The following CDK8 variants were observed in gnomAD, a reference collection of about 807,000 sequenced individuals.
The protein encoded by CDK8 is cyclin dependent kinase 8.
CDK8 carries 29 observed loss-of-function variants against 71.5 expected under a neutral mutation model. The observed-to-expected ratio is 0.41, with a 90% CI of 0.30 to 0.55. The LOEUF (loss-of-function observed/expected upper bound fraction) is 0.55. Ranked by LOEUF, CDK8 falls within the 20% of genes least tolerant of loss-of-function variation. The pLI, the probability that CDK8 is intolerant of heterozygous loss-of-function variation, is 0.37. For synonymous variants in CDK8, 161 were observed against 192.1 expected, an observed-to-expected ratio of 0.84 and a Z score of 1.34; for missense variants, 288 against 572.6, an observed-to-expected ratio of 0.50 and a Z score of 5.07.
intron 1 of CDK8, among the ~76,000 whole-genome samples, chr13:26,288,344 T>A (rs963419904): frequency 6.6e-6 from 1 of 152,142 alleles, no homozygotes; most frequent in Non-Finnish European, 1.5e-5. Context: ...AGGTTACAGT[T>A]TTTTACATTT....
intron 1 of CDK8, among the ~76,000 whole-genome samples, chr13:26,297,675 A>G (rs1377687731): frequency 6.6e-6 from 1 of 152,170 alleles, no homozygotes; most frequent in Non-Finnish European, 1.5e-5. Flanking sequence ...CCAAAAGGCC[A>G]TGTCTCCAGG....
At position 26,404,821 on chromosome 13, in the gene CDK8, CA is replaced by C; in HGVS notation, c.*743del. The C allele has an allele frequency of 4.6e-6, 1 of 216,808 alleles. No individual in the cohort carries two copies. Among genetic ancestry groups the C allele is most frequent in the East Asian group, 6.9e-5 (1 of 14,442 alleles). 13.4% of individuals were successfully genotyped at this position (216,808 alleles called of 1,614,324 possible). A position where few individuals can be genotyped will look rare whatever the true frequency, so the allele number is the denominator to read the frequency against. ...ATTGATATAAACCTGTTTGGTTCAG[CA>C]AACAAACTAAAATGATTGTCATAGA... On this transcript the variant is annotated 3_prime_UTR_variant, in exon 13 of 13. Transcript: ENST00000381527.
chr13:26,366,244 T>C (rs1358668102), intron 4 of CDK8, among the ~76,000 whole-genome samples: 1 of 151,996 alleles, frequency 6.6e-6, no homozygotes, highest in Non-Finnish European at 1.5e-5. Context: ...TGATAAATGG[T>C]CAAATAACAG....
intron 1 of CDK8, among the ~76,000 whole-genome samples, chr13:26,259,854 C>T (rs372958898): frequency 3.9e-5 from 6 of 152,068 alleles, no homozygotes; most frequent in African/African-American, 9.7e-5. Flanking sequence ...AATGCAAAGA[C>T]GAATGAAGTA....
chr13:26,302,712 TG>T (rs1441199584), intron 1 of CDK8, among the ~76,000 whole-genome samples: 1 of 152,206 alleles, frequency 6.6e-6, no homozygotes, highest in East Asian at 1.9e-4. Flanking sequence ...GAGATATTGA[TG>T]GGGGAGAGTA....
chr13:26,300,433 T>C (rs1021410530), intron 1 of CDK8, among the ~76,000 whole-genome samples: 6 of 152,164 alleles, frequency 3.9e-5, no homozygotes, highest in East Asian at 1.9e-4. Flanking sequence ...TTAAAACTTA[T>C]GAATTGTTTA....
intron 10 of CDK8, among the ~76,000 whole-genome samples, chr13:26,400,930 TA>T (rs1438987765): frequency 2.0e-5 from 3 of 152,102 alleles, no homozygotes; most frequent in Non-Finnish European, 4.4e-5. Flanking sequence ...GTAGGAAGGG[TA>T]AAACAAAAAT....
chr13:26,402,287 T>A (rs1876300461), intron 12 of CDK8, among the ~76,000 whole-genome samples: 1 of 152,216 alleles, frequency 6.6e-6, no homozygotes, highest in Admixed American at 6.5e-5. Context: ...CCACAAAGGC[T>A]GTTATGTTGC....
chr13:26,393,350 T>G lies in CDK8; in HGVS notation c.647-17T>G, dbSNP rs777100485. The G allele has an allele frequency of 2.0e-6, 3 of 1,480,802 alleles. No individual in the cohort carries two copies. The highest frequency in any genetic ancestry group is 2.7e-6 in the Non-Finnish European group (3 of 1,099,932). The allele number at this position is 1,480,802 out of a possible 1,614,324, so 91.7% of individuals were successfully genotyped here. A position where few individuals can be genotyped will look rare whatever the true frequency, so the allele number is the denominator to read the frequency against. On this transcript the variant is annotated splice_polypyrimidine_tract_variant and intron_variant, in intron 6 of 12. Transcript: ENST00000381527. ...TGCCTATTTTTCTTTCTTTTTTTTT[T>G]TCTTTTTGTTTTAAAGATATTTGGG...
At chr13:26,373,380 GA>G (rs1419084341) in intron 4 of CDK8, among the ~76,000 whole-genome samples, 1 of 152,006 alleles carries the variant, frequency 6.6e-6, no homozygotes, top group Non-Finnish European at 1.5e-5. Context: ...TGTGCTGTAT[GA>G]ATGAAGGAAC....
At chr13:26,332,502 T>TAA (rs1555230527) in intron 1 of CDK8, among the ~76,000 whole-genome samples, 2 of 151,108 alleles carry the variant, frequency 1.3e-5, no homozygotes, top group Non-Finnish European at 3.0e-5. Flanking sequence ...TATATATATA[T>TAA]AAAATCATAT....
chr13:26,340,471 C>G (rs1873192530), intron 2 of CDK8, among the ~76,000 whole-genome samples: 1 of 151,998 alleles, frequency 6.6e-6, no homozygotes, highest in Admixed American at 6.6e-5. Context: ...TTAAGTTTGT[C>G]TGTGAGTGGC....
At chr13:26,312,251 T>TGG (rs1186333552) in intron 1 of CDK8, among the ~76,000 whole-genome samples, 1 of 152,132 alleles carries the variant, frequency 6.6e-6, no homozygotes, top group African/African-American at 2.4e-5. Context: ...AGAATGTGGG[T>TGG]GGGGACAAAT....
intron 1 of CDK8, among the ~76,000 whole-genome samples, chr13:26,256,087 T>C (rs1871510618): frequency 6.6e-6 from 1 of 152,208 alleles, no homozygotes; most frequent in African/African-American, 2.4e-5. Context: ...TTTAGTGCTT[T>C]TATGCAACAG....
chr13:26,260,192 A>G (rs1198115047), intron 1 of CDK8, among the ~76,000 whole-genome samples: 1 of 151,946 alleles, frequency 6.6e-6, no homozygotes. Flanking sequence ...CCTGGCCAGC[A>G]TTTTTTGAGT....
At chr13:26,278,583 G>A (rs1279333335) in intron 1 of CDK8, among the ~76,000 whole-genome samples, 1 of 152,170 alleles carries the variant, frequency 6.6e-6, no homozygotes, top group Non-Finnish European at 1.5e-5. Context: ...TGCGGAGCAA[G>A]CTTCCTGAAC....
In CDK8 at chr13:26,318,453, C is replaced by G. The variant is rs147639670; in HGVS notation, c.129-19114C>G. On this transcript the variant is annotated intron_variant, in intron 1 of 12. Transcript: ENST00000381527. The stretch of plus-strand genomic sequence containing the variant: ...TCATTCTGTATGAGGCCAGCATTAC[C>G]CCGGTACCAAAGCCAGACAAACACT... Among the ~76,000 whole-genome samples, 904 of 152,194 alleles carry G rather than the reference C, an allele frequency of 5.9e-3. 10 individuals are homozygous for G. The highest frequency in any genetic ancestry group is 0.021 in the African/African-American group (856 of 41,548).
chr13:26,383,426 A>G (rs982081877), intron 5 of CDK8, among the ~76,000 whole-genome samples: 18 of 152,144 alleles, frequency 1.2e-4, no homozygotes, highest in African/African-American at 4.1e-4. Flanking sequence ...TGATAGCTCT[A>G]TTTTCTTACA....
intron 1 of CDK8, among the ~76,000 whole-genome samples, chr13:26,257,260 A>G (rs893925078): frequency 6.6e-6 from 1 of 152,200 alleles, no homozygotes; most frequent in South Asian, 2.1e-4. Context: ...ATATTTGACT[A>G]TTGAAATGAA....
Sources: gnomAD v4.1 joint callset for allele counts (sites outside exome capture counted in the v4.1 genomes callset) on GRCh38, gnomAD v4.1.1 for gene constraint, MANE v1.5 for transcripts, NCBI Gene and HGNC (gene_info 2026-07-23, HGNC 2026-07-21) for gene names.